WHRN: variants seen among roughly 807,000 people sequenced by gnomAD.
WHRN encodes the protein CASK-interacting protein CIP98.
Under a neutral mutation model 68.3 loss-of-function variants are expected in WHRN, and 41 were observed. The observed-to-expected ratio is 0.60, with a 90% CI of 0.47 to 0.78. WHRN has a LOEUF of 0.78. Ranked by LOEUF, WHRN falls within the 30% of genes least tolerant of loss-of-function variation. The pLI is 0.00. For synonymous variants in WHRN, 560 were observed against 561.3 expected (o/e 1.00, Z 0.03); for missense variants, 1,243 against 1,244.7 (o/e 1.00, Z 0.02).
intron 4 of WHRN, chr9:114,426,005 A>G: frequency 1.5e-6 from 1 of 652,070 alleles, no homozygotes; most frequent in East Asian, 2.7e-5. Context: ...AGACAGTTGG[A>G]TGGTGTATTT....
chr9:114,496,902 T>C (rs905109381), intron 1 of WHRN, among the ~76,000 whole-genome samples: 3 of 152,280 alleles, frequency 2.0e-5, no homozygotes, highest in Middle Eastern at 3.4e-3. Context: ...TGCTGCAAGA[T>C]AGTTAAGGAT....
intron 3 of WHRN, among the ~76,000 whole-genome samples, chr9:114,464,985 A>G (rs1840556830): frequency 6.6e-6 from 1 of 152,188 alleles, no homozygotes; most frequent in Non-Finnish European, 1.5e-5. Context: ...TCAAGATGCC[A>G]GCAGGTTCAG....
At chr9:114,423,969 C>T (rs1836557268) in intron 6 of WHRN, among the ~76,000 whole-genome samples, 1 of 152,192 alleles carries the variant, frequency 6.6e-6, no homozygotes, top group African/African-American at 2.4e-5. Context: ...AAGCTGGTGG[C>T]ACAGCACAGT....
intron 1 of WHRN, among the ~76,000 whole-genome samples, chr9:114,486,895 TGTGTGTGTGTAGA>T (rs201906389): frequency 0.081 from 8,242 of 101,504 alleles, 700 homozygotes; most frequent in East Asian, 0.46. Flanking sequence ...AGTGTGTGTG[TGTGTGTGTGTAGA>T]GTGTGTGTGT....
chr9:114,411,441 A>T (rs1449877533), intron 7 of WHRN, among the ~76,000 whole-genome samples: 3 of 152,172 alleles, frequency 2.0e-5, no homozygotes, highest in African/African-American at 7.2e-5. Context: ...CTGCCCCAGG[A>T]ATTCAACCTG....
chr9:114,426,471 G>A lies in WHRN; in HGVS notation c.964-58C>T, dbSNP rs976858131. ...GGCTGTTTGCAGGATTCACACTAGG[G>A]ACTTCACAGCCCAGATCCCAATTCT... is the stretch of plus-strand genomic sequence containing the variant. On this transcript the variant is annotated intron_variant, in intron 3 of 11. Transcript: ENST00000362057. 322 of 1,592,838 alleles carry A rather than the reference G, an allele frequency of 2.0e-4. 7 individuals are homozygous for A. The South Asian group carries it at 2.4e-3, about 12-fold the overall frequency.
intron 3 of WHRN, among the ~76,000 whole-genome samples, chr9:114,429,318 A>G (rs1310054705): frequency 6.6e-6 from 1 of 152,226 alleles, no homozygotes; most frequent in African/African-American, 2.4e-5. Flanking sequence ...ATCTAGGAGG[A>G]AGCAAAGCAC....
intron 7 of WHRN, among the ~76,000 whole-genome samples, chr9:114,416,759 T>G (rs1163875352): frequency 2.0e-5 from 3 of 151,898 alleles, no homozygotes; most frequent in Admixed American, 1.3e-4. Flanking sequence ...ACCTTTGGAG[T>G]AGAAACAGAA....
rs781772842 is a variant in WHRN, at chr9:114,478,499, C to T, written c.837+54G>A. 52 of 1,596,242 alleles carry T rather than the reference C, an allele frequency of 3.3e-5. 2 individuals carry two copies. In the South Asian group the frequency reaches 4.4e-4, roughly 14 times the overall value. Reference sequence around the variant, plus strand: ...CCAAGCAGCTCTGCTGTTCTGGGTTCGGAGGGAGAATACGGTGTCTGAGAG... The same window carrying T: ...CCAAGCAGCTCTGCTGTTCTGGGTTTGGAGGGAGAATACGGTGTCTGAGAG... On this transcript the variant is annotated intron_variant, in intron 2 of 11. Transcript: ENST00000362057.
intron 3 of WHRN, among the ~76,000 whole-genome samples, chr9:114,464,360 A>C (rs890438089): frequency 6.6e-6 from 1 of 152,160 alleles, no homozygotes; most frequent in Non-Finnish European, 1.5e-5. Flanking sequence ...TACATCTCAC[A>C]GTTTTGGAGG....
At chr9:114,467,690 TC>T (rs1261878669) in intron 2 of WHRN, among the ~76,000 whole-genome samples, 2 of 152,042 alleles carry the variant, frequency 1.3e-5, no homozygotes, top group African/African-American at 4.8e-5. Flanking sequence ...CTAGAACGGT[TC>T]CTAATCCATG....
In WHRN at chr9:114,421,644, C is replaced by G. The variant is rs550722512; in HGVS notation, c.1626+1670G>C. Among the ~76,000 whole-genome samples, 36 of 152,362 alleles carry G rather than the reference C, an allele frequency of 2.4e-4. 1 individual carries two copies. In the South Asian group the frequency reaches 4.1e-3, roughly 18 times the overall value. On this transcript the variant is annotated intron_variant, in intron 7 of 11. Coordinates refer to ENST00000362057, the MANE Select transcript of WHRN (RefSeq NM_015404.4). ...TGGCTCATGGCTGCTGAGGCCTGAA[C>G]ATTATCAAGGCCAATCTCAGTGGAG...
intron 3 of WHRN, among the ~76,000 whole-genome samples, chr9:114,463,366 C>T (rs182000000): frequency 2.6e-5 from 4 of 152,312 alleles, no homozygotes; most frequent in Admixed American, 2.6e-4. Context: ...TCCCCAGTCT[C>T]CTCCACCTAT....
At chr9:114,486,091 G>A (rs914938516) in intron 1 of WHRN, among the ~76,000 whole-genome samples, 1 of 152,122 alleles carries the variant, frequency 6.6e-6, no homozygotes, top group African/African-American at 2.4e-5. Context: ...CCTAGCACAT[G>A]GTAGGTACTA....
intron 7 of WHRN, among the ~76,000 whole-genome samples, chr9:114,413,743 G>A (rs578125573): frequency 2.0e-5 from 3 of 152,276 alleles, no homozygotes; most frequent in Non-Finnish European, 2.9e-5. Context: ...CTACCAGCCT[G>A]TCTATTCTGG....
chr9:114,484,664 G>C (rs1398784279), intron 1 of WHRN, among the ~76,000 whole-genome samples: 1 of 152,190 alleles, frequency 6.6e-6, no homozygotes, highest in South Asian at 2.1e-4. Context: ...TCAAATCATA[G>C]AGAAATCTCG....
chr9:114,427,393 C>T (rs1266828060), intron 3 of WHRN, among the ~76,000 whole-genome samples: 2 of 152,312 alleles, frequency 1.3e-5, no homozygotes, highest in Non-Finnish European at 2.9e-5. Flanking sequence ...TGGGACCGCA[C>T]CTTTAAACTC....
rs35003670 is a variant in WHRN at position 114,424,482 on chromosome 9, C to G, written c.1268G>C (p.Arg423Pro). 4.3e-6 allele frequency: 7 copies of G among 1,613,920 alleles called. No homozygotes were observed. The African/African-American group carries it at 5.3e-5, about 12-fold the overall frequency. Residue 423 changes from arginine to proline, a missense_variant, in exon 6 of 12, where the codon CGA becomes CCA. Coordinates refer to ENST00000362057, the MANE Select transcript of WHRN (RefSeq NM_015404.4). ...VTLSSLGNQT[R>P]VLLEEQARHL... The stretch of plus-strand genomic sequence containing the variant: ...CCGAGCCTGCTCCTCCAGCAGCACT[C>G]GTGTCTGGTTCCCCAGGCTGCTCAG...
chr9:114,492,015 G>GAAAA, intron 1 of WHRN, among the ~76,000 whole-genome samples: 1 of 144,524 alleles, frequency 6.9e-6, no homozygotes, highest in Non-Finnish European at 1.5e-5. Context: ...TTTGTAATTT[G>GAAAA]AAAAAAAAAA....
Sources: gnomAD v4.1 joint callset for allele counts (sites outside exome capture counted in the v4.1 genomes callset) on GRCh38, gnomAD v4.1.1 for gene constraint, MANE v1.5 for transcripts, NCBI Gene and HGNC (gene_info 2026-07-23, HGNC 2026-07-21) for gene names.